Variants in LRP1B observed in about 807,000 individuals in gnomAD.
LRP1B encodes LDL receptor related protein 1B.
A neutral mutation model predicts 556.6 loss-of-function variants in LRP1B; 217 were observed. The ratio of observed to expected loss-of-function variants is 0.39; its 90% CI spans 0.35 to 0.44. The LOEUF (loss-of-function observed/expected upper bound fraction) is 0.44, where lower values mean the gene tolerates loss of function less well. Ranked by LOEUF, LRP1B falls within the 20% of genes least tolerant of loss-of-function variation. The pLI, the probability that LRP1B is intolerant of heterozygous loss-of-function variation, is 1.00. For synonymous variants in LRP1B, 2,047 were observed against 1,865.8 expected (o/e 1.10, Z -2.50); for missense variants, 5,053 against 5,620.8 (o/e 0.90, Z 3.23).
chr2:141,726,360 A>T (rs1693034937), intron 2 of LRP1B, among the ~76,000 whole-genome samples: 1 of 151,902 alleles, frequency 6.6e-6, no homozygotes. Context: ...TAATTTAAAC[A>T]TATATAATTT....
chr2:140,455,332 T>C (rs1421804265), intron 62 of LRP1B, among the ~76,000 whole-genome samples: 2 of 152,168 alleles, frequency 1.3e-5, no homozygotes, highest in Non-Finnish European at 2.9e-5. Flanking sequence ...ACTAATTATA[T>C]ACATAACTTT....
chr2:140,858,425 C>T (rs1002429819), intron 27 of LRP1B, among the ~76,000 whole-genome samples: 2 of 146,314 alleles, frequency 1.4e-5, no homozygotes, highest in Non-Finnish European at 1.5e-5. Context: ...TATGTATGTA[C>T]GTGTATAACC....
intron 2 of LRP1B, among the ~76,000 whole-genome samples, chr2:141,489,957 T>A (rs4366842): frequency 1.3e-5 from 2 of 152,078 alleles, no homozygotes. Context: ...CCAGTAATGG[T>A]TTTTGTGTTT....
At chr2:141,336,839 A>C (rs1473503056) in intron 3 of LRP1B, among the ~76,000 whole-genome samples, 1 of 152,216 alleles carries the variant, frequency 6.6e-6, no homozygotes, top group Non-Finnish European at 1.5e-5. Flanking sequence ...TTTATGATAC[A>C]GCATGCCTTC....
Position 140,787,000 on chromosome 2 carries a change from G to A in LRP1B, c.5360-10762C>T, listed in dbSNP as rs192601321. Among the ~76,000 whole-genome samples the A allele has an allele frequency of 9.8e-5, 15 of 152,286 alleles. 1 individual carries two copies. The highest frequency in any genetic ancestry group is 5.9e-4 in the Admixed American group (9 of 15,302). On this transcript the variant is annotated intron_variant, in intron 32 of 90. Coordinates refer to ENST00000389484, the MANE Select transcript of LRP1B (RefSeq NM_018557.3). ...TAGAGTTCATTCAATGAAAACTGAT[G>A]TTACCTACAATTATTTTCATTAGAA...
At chr2:140,964,384 C>T (rs183856123) in intron 18 of LRP1B, among the ~76,000 whole-genome samples, 3,956 of 152,150 alleles carry the variant, frequency 0.026, 83 homozygotes, top group East Asian at 0.047. Context: ...GGAGCAGAGT[C>T]TTCTCTAAAC....
At chr2:140,538,650 T>C (rs1680020164) in intron 45 of LRP1B, among the ~76,000 whole-genome samples, 1 of 152,112 alleles carries the variant, frequency 6.6e-6, no homozygotes, top group Non-Finnish European at 1.5e-5. Flanking sequence ...TAGCAAATAA[T>C]TTAAAACAGA....
intron 1 of LRP1B, among the ~76,000 whole-genome samples, chr2:141,870,826 T>G (rs1488311696): frequency 6.6e-6 from 1 of 152,014 alleles, no homozygotes. Flanking sequence ...CATTTCTTCC[T>G]AATAAATTGC....
intron 2 of LRP1B, among the ~76,000 whole-genome samples, chr2:141,525,366 A>G (rs1327737789): frequency 1.3e-5 from 2 of 152,074 alleles, no homozygotes; most frequent in African/African-American, 4.8e-5. Flanking sequence ...ATACCTGGGT[A>G]GACAACTGGA....
At chr2:140,238,038 G>T in intron 89 of LRP1B, 114 bp downstream of exon 89, 1 of 867,234 alleles carries the variant, frequency 1.2e-6, no homozygotes. Context: ...ACATCCTAAA[G>T]TCCCTTATTC....
chr2:141,829,409 A>T (rs900266248), intron 1 of LRP1B, among the ~76,000 whole-genome samples: 8 of 152,130 alleles, frequency 5.3e-5, no homozygotes, highest in African/African-American at 1.9e-4. Flanking sequence ...CCAAAAAAAA[A>T]TTCTGCTGCT....
chr2:141,608,600 G>A (rs1687999998), intron 2 of LRP1B, among the ~76,000 whole-genome samples: 1 of 152,136 alleles, frequency 6.6e-6, no homozygotes, highest in South Asian at 2.1e-4. Flanking sequence ...TTGTAAAATA[G>A]ATGACTTACT....
At chr2:141,838,215 G>C (rs557719579) in intron 1 of LRP1B, among the ~76,000 whole-genome samples, 1 of 151,700 alleles carries the variant, frequency 6.6e-6, no homozygotes, top group African/African-American at 2.4e-5. Context: ...TGAAGACATA[G>C]ACATGACAAC....
intron 35 of LRP1B, among the ~76,000 whole-genome samples, chr2:140,741,934 A>G (rs1309817204): frequency 6.6e-6 from 1 of 152,208 alleles, no homozygotes; most frequent in Non-Finnish European, 1.5e-5. Context: ...TGCAAAGGAC[A>G]TGATCTCATT....
intron 41 of LRP1B, among the ~76,000 whole-genome samples, chr2:140,616,773 T>A (rs914698372): frequency 2.6e-5 from 4 of 151,944 alleles, no homozygotes; most frequent in African/African-American, 9.7e-5. Context: ...TTTTTAGGAA[T>A]CAAAAGTTTA....
chr2:142,047,456 T>C (rs1175088942), intron 1 of LRP1B, among the ~76,000 whole-genome samples: 2 of 152,020 alleles, frequency 1.3e-5, no homozygotes, highest in Non-Finnish European at 2.9e-5. Flanking sequence ...TGCTTATTGA[T>C]AATTTTGTTA....
chr2:140,967,490 G>A (rs1696266649), intron 18 of LRP1B, among the ~76,000 whole-genome samples: 1 of 152,162 alleles, frequency 6.6e-6, no homozygotes, highest in Non-Finnish European at 1.5e-5. Context: ...TGCAAACAGG[G>A]ATAATTTGAC....
At chr2:140,499,575 T>A (rs1426956482) in intron 55 of LRP1B, among the ~76,000 whole-genome samples, 1 of 151,856 alleles carries the variant, frequency 6.6e-6, no homozygotes, top group Non-Finnish European at 1.5e-5. Flanking sequence ...GTACAGGCCA[T>A]CATGCACCTA....
intron 3 of LRP1B, among the ~76,000 whole-genome samples, chr2:141,308,377 A>C (rs1686680043): frequency 6.6e-6 from 1 of 152,188 alleles, no homozygotes; most frequent in African/African-American, 2.4e-5. Flanking sequence ...TTTCATGCTC[A>C]TAACAGTTTG....
Sources: allele counts gnomAD v4.1 joint callset (sites outside exome capture counted in the v4.1 genomes callset), GRCh38; gene constraint gnomAD v4.1.1; transcripts MANE v1.5; gene names NCBI Gene and HGNC (gene_info 2026-07-23, HGNC 2026-07-21).